The following SOX5 variants were observed in gnomAD, a reference collection of about 807,000 sequenced individuals.
The protein encoded by SOX5 is transcription factor SOX-5.
Under a neutral mutation model 92.0 loss-of-function variants are expected in SOX5, and 9 were observed. That is an observed-to-expected ratio of 0.10 (90% CI 0.06 to 0.17). The LOEUF (loss-of-function observed/expected upper bound fraction) is 0.17. SOX5 is among the 10% of genes least tolerant of loss of function. The probability of loss-of-function intolerance (pLI) is 1.00; values close to 1 mark genes in which losing one functional copy is unlikely to be tolerated. For synonymous variants in SOX5, 344 were observed against 336.3 expected (o/e 1.02, Z -0.25); for missense variants, 642 against 944.5 (o/e 0.68, Z 4.20).
At chr12:23,628,102 T>A (rs949493318) in intron 8 of SOX5, among the ~76,000 whole-genome samples, 3 of 152,032 alleles carry the variant, frequency 2.0e-5, no homozygotes, top group African/African-American at 7.2e-5. Context: ...GGCGTTTACT[T>A]TTTTTATTGT....
intron 3 of SOX5, among the ~76,000 whole-genome samples, chr12:24,232,347 A>G (rs1418270030): frequency 6.6e-6 from 1 of 152,238 alleles, no homozygotes; most frequent in Non-Finnish European, 1.5e-5. Flanking sequence ...AGAGTTCTAT[A>G]GGTAGCAGCA....
At chr12:24,277,785 C>T (rs985017078) in intron 2 of SOX5, among the ~76,000 whole-genome samples, 2 of 151,962 alleles carry the variant, frequency 1.3e-5, no homozygotes, top group African/African-American at 2.4e-5. Context: ...ATTCATGAGA[C>T]AGCTTCAGGT....
In SOX5 at chr12:24,065,994, C is replaced by T. The variant is rs575790601; in HGVS notation, c.-2+147349G>A. On this transcript the variant is annotated intron_variant, in intron 4 of 4. Coordinates refer to the SOX5 transcript ENST00000446891. ...GGTCCATGCTTGTTCATCTATTGTA[C>T]TCTTTTATTCTTTCATTTGGGAAAT... 8.5e-5 allele frequency among the ~76,000 whole-genome samples: 13 copies of T among 152,184 alleles called. No homozygotes were observed. In the East Asian group the frequency reaches 2.5e-3, roughly 29 times the overall value.
chr12:24,079,362 T>C (rs1943051067), intron 4 of SOX5, among the ~76,000 whole-genome samples: 1 of 151,942 alleles, frequency 6.6e-6, no homozygotes, highest in Non-Finnish European at 1.5e-5. Context: ...ACTTCCAAAG[T>C]TGTTCATGTC....
At chr12:23,971,978 G>A (rs1292650322) in intron 4 of SOX5, among the ~76,000 whole-genome samples, 3 of 152,130 alleles carry the variant, frequency 2.0e-5, no homozygotes, top group African/African-American at 7.2e-5. Context: ...TAGAATAAAT[G>A]AATGGTTCTC....
chr12:23,845,086 G>A (rs1026486339), intron 3 of SOX5, among the ~76,000 whole-genome samples: 3 of 152,192 alleles, frequency 2.0e-5, no homozygotes, highest in African/African-American at 7.2e-5. Flanking sequence ...CAGATATCCT[G>A]ATAATTTACC....
At chr12:23,537,769 G>A (rs1263809072) in intron 13 of SOX5, among the ~76,000 whole-genome samples, 1 of 152,164 alleles carries the variant, frequency 6.6e-6, no homozygotes, top group African/African-American at 2.4e-5. Flanking sequence ...ATGTGTAATA[G>A]AAGTGGTAAT....
At chr12:24,288,498 G>T (rs1450607167) in intron 2 of SOX5, among the ~76,000 whole-genome samples, 11 of 152,132 alleles carry the variant, frequency 7.2e-5, no homozygotes, top group Admixed American at 3.3e-4. Context: ...GTTTGACAAT[G>T]CATTGAACAG....
At chr12:24,413,027 T>C (rs889692917) in intron 1 of SOX5, among the ~76,000 whole-genome samples, 11 of 152,238 alleles carry the variant, frequency 7.2e-5, no homozygotes, top group African/African-American at 2.2e-4. Flanking sequence ...AGTGCTGGGA[T>C]TACAGGCTTG....
rs914026185 is a variant in SOX5, at chr12:24,466,998, C to A, written c.-251+95331G>T. ...TGTTTCCTAAAACCACCAGAAAAGT[C>A]TTACTTTCTCCACTTAATTCTCTCA... On this transcript the variant is annotated intron_variant, in intron 1 of 4. Coordinates refer to the SOX5 transcript ENST00000446891. Among the ~76,000 whole-genome samples the A allele has an allele frequency of 4.2e-4, 64 of 152,184 alleles. 1 individual carries two copies. Among genetic ancestry groups the A allele is most frequent in the African/African-American group, 1.3e-3 (55 of 41,456 alleles).
intron 14 of SOX5, among the ~76,000 whole-genome samples, chr12:23,535,113 T>A (rs778159183): frequency 1.3e-5 from 2 of 152,238 alleles, no homozygotes; most frequent in Non-Finnish European, 2.9e-5. Context: ...ATTAAAAAAC[T>A]GAGGTGCAGA....
At chr12:23,824,528 CCTGTATGAGGTGT>C (rs1245857493) in intron 3 of SOX5, among the ~76,000 whole-genome samples, 1 of 152,202 alleles carries the variant, frequency 6.6e-6, no homozygotes, top group African/African-American at 2.4e-5. Flanking sequence ...CCGGATCTCT[CCTGTATGAGGTGT>C]CTGTTGACCC....
At chr12:23,855,923 A>G (rs768836901) in intron 2 of SOX5, among the ~76,000 whole-genome samples, 7 of 152,146 alleles carry the variant, frequency 4.6e-5, no homozygotes, top group Non-Finnish European at 1.0e-4. Context: ...ATTTTTCTAT[A>G]CTAATTAAGA....
intron 9 of SOX5, among the ~76,000 whole-genome samples, chr12:23,590,095 A>G (rs11615759): frequency 0.093 from 14,097 of 151,964 alleles, 871 homozygotes; most frequent in Non-Finnish European, 0.13. Context: ...TAGTGGTGCT[A>G]AAAAAGAGAG....
intron 3 of SOX5, among the ~76,000 whole-genome samples, chr12:24,259,930 T>C (rs1480063890): frequency 6.6e-6 from 1 of 152,154 alleles, no homozygotes; most frequent in East Asian, 1.9e-4. Flanking sequence ...TTGAAGAAGT[T>C]TGATGTTGGA....
upstream of SOX5, among the ~76,000 whole-genome samples, chr12:23,954,499 A>G (rs7314161): frequency 0.63 from 95,546 of 151,416 alleles, 31,172 homozygotes; most frequent in Non-Finnish European, 0.72. Flanking sequence ...TCCAACCAAT[A>G]TACATCTGTG....
At chr12:24,507,079 C>T (rs1199445852) in intron 1 of SOX5, among the ~76,000 whole-genome samples, 3 of 151,824 alleles carry the variant, frequency 2.0e-5, no homozygotes, top group Non-Finnish European at 4.4e-5. Context: ...CATCAGCCAC[C>T]GCGCCCGGCC....
intron 4 of SOX5, among the ~76,000 whole-genome samples, chr12:24,042,854 G>A (rs1392747178): frequency 1.3e-5 from 2 of 152,134 alleles, no homozygotes; most frequent in African/African-American, 2.4e-5. Context: ...AAAATACAGT[G>A]CTGGCATTTG....
chr12:23,665,605 G>A (rs545276895), intron 6 of SOX5, 41 bp from the exon 7 acceptor site: 10 of 1,568,014 alleles, frequency 6.4e-6, no homozygotes, highest in South Asian at 2.4e-5. Flanking sequence ...AAGAAGTTTC[G>A]ATGCTCCATG....
Sources: allele counts gnomAD v4.1 joint callset (sites outside exome capture counted in the v4.1 genomes callset), GRCh38; gene constraint gnomAD v4.1.1; transcripts MANE v1.5; gene names NCBI Gene and HGNC (gene_info 2026-07-23, HGNC 2026-07-21).